Variants in RRM2 observed in about 807,000 individuals in gnomAD.
RRM2 encodes ribonucleoside-diphosphate reductase subunit M2.
Under a neutral mutation model 45.9 loss-of-function variants are expected in RRM2, and 6 were observed. That is an observed-to-expected ratio of 0.13 (90% CI 0.07 to 0.26). The LOEUF (loss-of-function observed/expected upper bound fraction) is 0.26. RRM2 is among the 10% of genes least tolerant of loss of function. The probability of loss-of-function intolerance (pLI) is 1.00; values close to 1 mark genes in which losing one functional copy is unlikely to be tolerated. For missense variants in RRM2, 343 were observed against 489.5 expected (o/e 0.70, Z 2.82); for synonymous variants, 177 against 173.0 (o/e 1.02, Z -0.18).
intron 3 of RRM2, among the ~76,000 whole-genome samples, chr2:10,144,615 T>C (rs984209145): frequency 1.3e-5 from 2 of 152,252 alleles, no homozygotes; most frequent in African/African-American, 4.8e-5. Flanking sequence ...GTGGAATTCC[T>C]ATTTTTAATA....
exon 4 of RRM2, chr2:10,210,599 C>T: frequency 4.4e-6 from 6 of 1,363,950 alleles, no homozygotes; most frequent in Non-Finnish European, 5.9e-6. Flanking sequence ...GCCCCATAGA[C>T]AGCAGATCTG....
downstream of RRM2, among the ~76,000 whole-genome samples, chr2:10,131,686 C>G (rs1032469979): frequency 3.3e-5 from 5 of 152,108 alleles, no homozygotes; most frequent in African/African-American, 1.2e-4. Flanking sequence ...TTGCAGTGAG[C>G]TGAGATTGCA....
chr2:10,206,931 A>G (rs1664675537), intron 3 of RRM2, among the ~76,000 whole-genome samples: 1 of 152,230 alleles, frequency 6.6e-6, no homozygotes, highest in Non-Finnish European at 1.5e-5. Flanking sequence ...TTTCGGATAC[A>G]CAAAAGCTGA....
At chr2:10,201,856 G>A (rs967582759) in intron 3 of RRM2, among the ~76,000 whole-genome samples, 31 of 152,088 alleles carry the variant, frequency 2.0e-4, no homozygotes, top group African/African-American at 6.5e-4. Flanking sequence ...GCACCATTTC[G>A]TATTTGACAA....
downstream of RRM2, among the ~76,000 whole-genome samples, chr2:10,135,148 A>G (rs757392832): frequency 2.6e-5 from 4 of 152,218 alleles, no homozygotes; most frequent in Non-Finnish European, 4.4e-5. Context: ...ATTCCTAGCG[A>G]ATTGAGCCAA....
intron 3 of RRM2, among the ~76,000 whole-genome samples, chr2:10,143,239 C>T (rs888564873): frequency 1.1e-4 from 17 of 152,212 alleles, no homozygotes; most frequent in African/African-American, 3.9e-4. Context: ...TTCCCTTAGC[C>T]TGGACTTTGT....
intron 1 of RRM2, 41 bp from the exon 2 acceptor site, chr2:10,122,942 G>C: frequency 1.9e-6 from 3 of 1,547,918 alleles, no homozygotes; most frequent in Non-Finnish European, 2.6e-6. Flanking sequence ...GGGAGGCAGG[G>C]AAAGCGAAGC....
At chr2:10,141,746 C>T (rs187144794) in intron 1 of RRM2, 32 of 1,478,820 alleles carry the variant, frequency 2.2e-5, no homozygotes, top group Middle Eastern at 2.2e-4. Context: ...GTTCCAAGCA[C>T]GGGAAACAGA....
Position 10,127,259 on chromosome 2 carries a change from AAC to A in RRM2, c.798+43_798+44del, listed in dbSNP as rs773510259. 2 of 1,598,842 alleles carry A rather than the reference AAC, an allele frequency of 1.3e-6. No individual in the cohort carries two copies. Among genetic ancestry groups the A allele is most frequent in the Non-Finnish European group, 1.7e-6 (2 of 1,173,032 alleles). On this transcript the variant is annotated intron_variant, in intron 7 of 9. Transcript: ENST00000304567. This position sits in a 1 kb window ranked among gnomAD's most constrained non-coding sequence, Gnocchi z 4.1. ...AAATAATAGGGTGACCTAAACCCCA[AAC>A]ACAACTCGGGCATGCTCTTGTGTTC...
Position 10,122,819 on chromosome 2 carries a change from G to A in RRM2, c.21G>A (p.Pro7=). 6.3e-7 allele frequency: 1 copy of A among 1,595,730 alleles called. No individual in the cohort carries two copies. The highest frequency in any genetic ancestry group is 8.5e-7 in the Non-Finnish European group (1 of 1,172,706). Residue 7 remains proline (P), a synonymous_variant, in exon 1 of 10, where the codon CCG becomes CCA. Transcript: ENST00000304567. The stretch of plus-strand genomic sequence containing the variant: ...CCACTATGCTCTCCCTCCGTGTCCC[G>A]CTCGCGCCCATCACGGACCCGCAGC... The part of the protein sequence containing the change: MLSLRV[P]LAPITDPQQL...
intron 3 of RRM2, among the ~76,000 whole-genome samples, chr2:10,183,512 G>A (rs978968531): frequency 6.6e-5 from 10 of 152,208 alleles, no homozygotes; most frequent in African/African-American, 1.7e-4. Context: ...CCTTGATTCC[G>A]ATCACAGCAG....
chr2:10,201,703 G>A (rs1049305281), intron 3 of RRM2, among the ~76,000 whole-genome samples: 4 of 152,152 alleles, frequency 2.6e-5, no homozygotes, highest in African/African-American at 7.2e-5. Context: ...TGTTACCTAC[G>A]TGGCACACAA....
chr2:10,193,899 G>A (rs892023377), intron 3 of RRM2, among the ~76,000 whole-genome samples: 1 of 152,194 alleles, frequency 6.6e-6, no homozygotes, highest in African/African-American at 2.4e-5. Context: ...GGATTAATTG[G>A]CACAGGGAGG....
At chr2:10,210,589 G>T in exon 4 of RRM2, 4 of 1,365,614 alleles carry the variant, frequency 2.9e-6, no homozygotes, top group Non-Finnish European at 3.9e-6. Context: ...ACCCCCCAGG[G>T]CCCCATAGAC....
At chr2:10,141,930 A>G (rs935355533) in exon 2 of RRM2, 24 of 1,578,418 alleles carry the variant, frequency 1.5e-5, no homozygotes, top group Non-Finnish European at 2.1e-5. Flanking sequence ...AGGGAGATGG[A>G]GACCAATCAC....
At chr2:10,209,608 CGTGCATGCGT>C (rs1324981579) in intron 3 of RRM2, among the ~76,000 whole-genome samples, 2 of 63,758 alleles carry the variant, frequency 3.1e-5, no homozygotes, top group Admixed American at 2.4e-4. Context: ...CGTGTGTGTG[CGTGCATGCGT>C]GTGTGTGTGT....
chr2:10,161,650 A>G (rs951613523), intron 3 of RRM2, among the ~76,000 whole-genome samples: 2 of 151,458 alleles, frequency 1.3e-5, no homozygotes, highest in Admixed American at 1.3e-4. Flanking sequence ...GCACTCACAC[A>G]TACACTCACA....
upstream of RRM2, among the ~76,000 whole-genome samples, chr2:10,137,425 G>A (rs149909807): frequency 6.2e-4 from 95 of 152,326 alleles, no homozygotes; most frequent in Admixed American, 2.4e-3. Flanking sequence ...TTCCTCCCTG[G>A]TCATTACACT....
chr2:10,186,143 A>C (rs545338002), intron 3 of RRM2, among the ~76,000 whole-genome samples: 32 of 152,300 alleles, frequency 2.1e-4, no homozygotes, highest in Admixed American at 7.8e-4. Context: ...ATATTGACTT[A>C]GAGCTGTGTG....
Sources: gnomAD v4.1 joint callset for allele counts (sites outside exome capture counted in the v4.1 genomes callset) on GRCh38, gnomAD v4.1.1 for gene constraint, Gnocchi (gnomAD v3.1) non-coding constraint, MANE v1.5 for transcripts, NCBI Gene and HGNC (gene_info 2026-07-23, HGNC 2026-07-21) for gene names.